The following DST variants were observed in gnomAD, a reference collection of about 807,000 sequenced individuals.
The protein encoded by DST is bullous pemphigoid antigen.
DST carries 253 observed loss-of-function variants against 875.2 expected under a neutral mutation model. That is an observed-to-expected ratio of 0.29 (90% CI 0.26 to 0.32). The LOEUF is 0.32. Among genes scored for constraint, DST ranks in the 10% least tolerant of loss-of-function variants. DST has a pLI of 1.00. For missense variants in DST, 8,287 were observed against 9,111.6 expected, an observed-to-expected ratio of 0.91 and a Z score of 3.68; for synonymous variants, 3,124 against 3,197.1, an observed-to-expected ratio of 0.98 and a Z score of 0.77.
chr6:56,823,985 T>A (rs971125623), intron 4 of DST, among the ~76,000 whole-genome samples: 1 of 152,046 alleles, frequency 6.6e-6, no homozygotes, highest in Non-Finnish European at 1.5e-5. Context: ...ATAAAAAATA[T>A]CCTCTGCCTC....
At chr6:56,536,020 G>C (rs1379128127) in intron 62 of DST, among the ~76,000 whole-genome samples, 3 of 152,212 alleles carry the variant, frequency 2.0e-5, no homozygotes, top group Non-Finnish European at 4.4e-5. Context: ...GAATAATATA[G>C]TTTCAAGACC....
rs527618764 is a variant in DST, at chr6:56,543,215, G to A, written c.16609-6275C>T. ...GGGCTACATAGGTCCCTATCCTTCA[G>A]TTGAAACCGCACTTTTACACTGAAG... On this transcript the variant is annotated intron_variant, in intron 61 of 103. Transcript: ENST00000680361. Among the ~76,000 whole-genome samples the A allele has an allele frequency of 3.8e-4, 58 of 152,344 alleles. No individual in the cohort carries two copies. The South Asian group carries it at 0.012, about 30-fold the overall frequency.
intron 5 of DST, among the ~76,000 whole-genome samples, chr6:56,711,067 T>C (rs892858250): frequency 1.3e-5 from 2 of 152,230 alleles, no homozygotes; most frequent in Non-Finnish European, 2.9e-5. Flanking sequence ...TCTACTTCTT[T>C]GGACCTGATT....
At chr6:56,723,333 G>A (rs897809457) in intron 5 of DST, among the ~76,000 whole-genome samples, 1 of 152,070 alleles carries the variant, frequency 6.6e-6, no homozygotes, top group African/African-American at 2.4e-5. Flanking sequence ...GGGAGGCTGA[G>A]GCAGGCAGAC....
At chr6:56,583,695 G>A (rs1443619498) in intron 49 of DST, among the ~76,000 whole-genome samples, 2 of 152,202 alleles carry the variant, frequency 1.3e-5, no homozygotes, top group Non-Finnish European at 2.9e-5. Flanking sequence ...GAATGGTAAT[G>A]CCTAGGTTTT....
chr6:56,635,052 C>T (rs2098812623), intron 24 of DST, 99 bp from the exon 25 acceptor site: 1 of 895,066 alleles, frequency 1.1e-6, no homozygotes, highest in Non-Finnish European at 1.7e-6. Flanking sequence ...AAAGTCTTCT[C>T]TCTGACTACC....
intron 85 of DST, 82 bp from the exon 86 acceptor site, chr6:56,489,691 T>C (rs1291364699): frequency 5.6e-6 from 7 of 1,243,122 alleles, no homozygotes; most frequent in Non-Finnish European, 7.5e-6. Flanking sequence ...AGACAGAGAT[T>C]AATAGTGATG....
intron 69 of DST, among the ~76,000 whole-genome samples, chr6:56,521,232 A>C (rs1014668528): frequency 1.3e-5 from 2 of 152,122 alleles, no homozygotes; most frequent in Non-Finnish European, 2.9e-5. Context: ...TATGTGATTC[A>C]TTTAAAGAAT....
intron 95 of DST, 97 bp from the exon 96 acceptor site, chr6:56,470,379 A>G (rs1046597526): frequency 3.2e-6 from 3 of 951,356 alleles, no homozygotes; most frequent in Non-Finnish European, 3.0e-6. Context: ...TGGTTAAATC[A>G]TCAGTGATCA....
chr6:56,482,374 G>T (rs2095431264), intron 89 of DST, 196 bp from the exon 90 acceptor site: 2 of 664,972 alleles, frequency 3.0e-6, no homozygotes, highest in South Asian at 9.2e-5. Flanking sequence ...TAAAAAAAAA[G>T]CCTATATGAA....
At chr6:56,933,678 G>C (rs1288381602) in intron 2 of DST, among the ~76,000 whole-genome samples, 1 of 152,214 alleles carries the variant, frequency 6.6e-6, no homozygotes, top group African/African-American at 2.4e-5. Context: ...AGGGGTTCCA[G>C]CATGAGCAAT....
chr6:56,629,180 G>T (rs2152755559), intron 32 of DST, 70 bp downstream of exon 32: 1 of 1,472,252 alleles, frequency 6.8e-7, no homozygotes, highest in Non-Finnish European at 9.5e-7. Context: ...CCTCATATGT[G>T]TAGATTTTAC....
At chr6:56,565,125 CTTTTTTTTTTTT>C (rs540989404) in intron 55 of DST, among the ~76,000 whole-genome samples, 1 of 122,794 alleles carries the variant, frequency 8.1e-6, no homozygotes, top group African/African-American at 3.0e-5. Context: ...TTTTTTTTTT[CTTTTTTTTTTTT>C]TGTGACGGAG....
intron 10 of DST, among the ~76,000 whole-genome samples, chr6:56,657,411 T>C (rs1011317706): frequency 3.3e-5 from 5 of 152,142 alleles, no homozygotes; most frequent in East Asian, 3.8e-4. Context: ...CTGGAAAAGA[T>C]AGCATTTGGT....
chr6:56,916,778 T>TCTCTCTCTCACACACA (rs1470233953), intron 2 of DST, among the ~76,000 whole-genome samples: 2 of 91,354 alleles, frequency 2.2e-5, no homozygotes, highest in East Asian at 3.5e-4. Context: ...TCTCTCTCTC[T>TCTCTCTCTCACACACA]CACACACACA....
intron 4 of DST, among the ~76,000 whole-genome samples, chr6:56,819,122 A>G (rs986420612): frequency 1.3e-5 from 2 of 152,212 alleles, no homozygotes; most frequent in African/African-American, 4.8e-5. Flanking sequence ...TCAAATTCCT[A>G]AACTCCAAAA....
At chr6:56,767,952 T>C (rs1385126877) in intron 4 of DST, among the ~76,000 whole-genome samples, 2 of 152,142 alleles carry the variant, frequency 1.3e-5, no homozygotes, top group African/African-American at 2.4e-5. Flanking sequence ...AGGAGGCCAT[T>C]AGGTATGAAA....
chr6:56,534,740 T>C (rs1454693277), intron 63 of DST, among the ~76,000 whole-genome samples: 1 of 152,104 alleles, frequency 6.6e-6, no homozygotes, highest in African/African-American at 2.4e-5. Flanking sequence ...TCCAGCACTT[T>C]AGGTCCCTCA....
At chr6:56,721,934 T>C (rs1164433168) in intron 5 of DST, among the ~76,000 whole-genome samples, 1 of 152,204 alleles carries the variant, frequency 6.6e-6, no homozygotes, top group East Asian at 1.9e-4. Context: ...ATTTTTGGCT[T>C]TGAGGGCCAT....
Sources: allele counts gnomAD v4.1 joint callset (sites outside exome capture counted in the v4.1 genomes callset), GRCh38; gene constraint gnomAD v4.1.1; transcripts MANE v1.5; gene names NCBI Gene and HGNC (gene_info 2026-07-23, HGNC 2026-07-21).